GNB5: variants seen among roughly 807,000 people sequenced by gnomAD.
GNB5 encodes the protein G protein subunit beta 5.
Under a neutral mutation model 55.3 loss-of-function variants are expected in GNB5, and 37 were observed. The observed-to-expected ratio is 0.67, with a 90% CI of 0.51 to 0.88. The LOEUF is 0.88. GNB5 is among the 40% of genes least tolerant of loss of function. The pLI is 0.00. For missense variants in GNB5, 476 were observed against 515.3 expected (o/e 0.92, Z 0.74); for synonymous variants, 219 against 198.5 (o/e 1.10, Z -0.87).
At chr15:52,166,096 G>A (rs1486217762) in intron 3 of GNB5, among the ~76,000 whole-genome samples, 3 of 152,122 alleles carry the variant, frequency 2.0e-5, no homozygotes, top group African/African-American at 4.8e-5. Flanking sequence ...AGACAGAGAA[G>A]GGCATTACAT....
chr15:52,158,492 C>T (rs1269938006), intron 3 of GNB5, among the ~76,000 whole-genome samples: 1 of 152,126 alleles, frequency 6.6e-6, no homozygotes, highest in Non-Finnish European at 1.5e-5. Context: ...TGCCTCTTTG[C>T]CTTCTTTTTC....
chr15:52,149,274 C>G (rs556471217), intron 5 of GNB5: 4 of 153,452 alleles, frequency 2.6e-5, no homozygotes, highest in African/African-American at 9.6e-5. Context: ...TATAGGAATT[C>G]TTATTTAATA....
chr15:52,182,217 C>T (rs1195941151), intron 2 of GNB5, among the ~76,000 whole-genome samples: 9 of 152,200 alleles, frequency 5.9e-5, no homozygotes, highest in African/African-American at 1.7e-4. Context: ...CTGCCTGATA[C>T]GCTTGAGCAG....
chr15:52,117,102 A>ATATATTTTTTTTTTTTT lies in GNB5; in HGVS notation c.*5654_*5655insAAAAAAAAAAAAATATA. ...CCACGCCCAGCTAATATATATATAT[A>ATATATTTTTTTTTTTTT]TTTTTTTTTAGTACAGACAGGGTTT... On this transcript the variant is annotated 3_prime_UTR_variant, in exon 13 of 13. Transcript: ENST00000261837. The ATATATTTTTTTTTTTTT allele has an allele frequency of 9.1e-4, 79 of 87,090 alleles. 7 individuals are homozygous for ATATATTTTTTTTTTTTT. The highest frequency in any genetic ancestry group is 4.4e-3 in the African/African-American group (73 of 16,436). The allele number at this position is 87,090 out of a possible 1,614,324, so 5.4% of individuals were successfully genotyped here.
At chr15:52,145,277 A>C (rs2033946669) in intron 6 of GNB5, among the ~76,000 whole-genome samples, 1 of 152,034 alleles carries the variant, frequency 6.6e-6, no homozygotes, top group Admixed American at 6.6e-5. Context: ...GATGGTAATA[A>C]ATTTTATATA....
At chr15:52,164,216 G>A (rs1007008564) in intron 3 of GNB5, among the ~76,000 whole-genome samples, 10 of 151,328 alleles carry the variant, frequency 6.6e-5, no homozygotes, top group Admixed American at 5.9e-4. Context: ...GCTGAGGCAG[G>A]AGAATCGCTT....
chr15:52,174,201 A>G (rs1406612954), intron 3 of GNB5, among the ~76,000 whole-genome samples: 1 of 152,164 alleles, frequency 6.6e-6, no homozygotes, highest in Non-Finnish European at 1.5e-5. Context: ...TTCTCCCCTA[A>G]AGCTTCCAGA....
chr15:52,142,241 A>T (rs957465400), intron 6 of GNB5, among the ~76,000 whole-genome samples: 2 of 152,200 alleles, frequency 1.3e-5, no homozygotes, highest in African/African-American at 2.4e-5. Context: ...ATTTGTTTGT[A>T]ATCAGTAATA....
chr15:52,136,392 C>T (rs1000901561), intron 7 of GNB5, among the ~76,000 whole-genome samples: 2 of 152,138 alleles, frequency 1.3e-5, no homozygotes, highest in African/African-American at 2.4e-5. Context: ...TTAAAACCTT[C>T]GATGCCTCCC....
chr15:52,175,098 C>A (rs1032299051), intron 3 of GNB5, among the ~76,000 whole-genome samples: 13 of 152,042 alleles, frequency 8.6e-5, no homozygotes, highest in Non-Finnish European at 2.9e-5. Context: ...AACAAACACA[C>A]ATACCTAGGG....
intron 3 of GNB5, among the ~76,000 whole-genome samples, chr15:52,163,270 C>T (rs2034374770): frequency 1.3e-5 from 2 of 152,336 alleles, no homozygotes; most frequent in South Asian, 4.1e-4. Flanking sequence ...CGTGGCCACA[C>T]ACGGAGACCC....
At chr15:52,171,961 C>G (rs2034561954) in intron 3 of GNB5, among the ~76,000 whole-genome samples, 1 of 152,172 alleles carries the variant, frequency 6.6e-6, no homozygotes. Flanking sequence ...CCTCAAGGAC[C>G]TGGGAATTGG....
intron 3 of GNB5, among the ~76,000 whole-genome samples, chr15:52,169,411 A>AGGTG (rs1566947247): frequency 0.01 from 1,541 of 150,782 alleles, 30 homozygotes; most frequent in African/African-American, 0.036. Flanking sequence ...GGTGGTGGGC[A>AGGTG]CCTGTAATCC....
At chr15:52,147,414 T>C in intron 6 of GNB5, 45 bp downstream of exon 6, 3 of 1,058,314 alleles carry the variant, frequency 2.8e-6, no homozygotes, top group Non-Finnish European at 4.5e-6. Context: ...AACAGTATTC[T>C]ATGGTTAACA....
chr15:52,143,176 A>C lies in GNB5; in HGVS notation c.495-1904T>G, dbSNP rs149448848. On this transcript the variant is annotated intron_variant, in intron 6 of 12. Transcript: ENST00000261837. ...TGACTAAAAAAAAGAGAAAAAAAAA[A>C]AACAGAATGTGTAGAGAATGATTTG... 9.0e-3 allele frequency among the ~76,000 whole-genome samples: 1,371 copies of C among 152,066 alleles called. 10 individuals are homozygous for C. The highest frequency in any genetic ancestry group is 0.015 in the Non-Finnish European group (986 of 67,962).
chr15:52,188,364 G>A (rs1249874501), intron 1 of GNB5, among the ~76,000 whole-genome samples: 1 of 152,072 alleles, frequency 6.6e-6, no homozygotes, highest in African/African-American at 2.4e-5. Flanking sequence ...GGGAAAAAAA[G>A]ATATAAGGAA....
intron 7 of GNB5, 96 bp from the exon 8 acceptor site, chr15:52,135,852 AACACACACACACAC>A (rs57732678): frequency 9.4e-5 from 52 of 552,498 alleles, no homozygotes; most frequent in East Asian, 1.7e-4. Context: ...GGAAAAGCAG[AACACACACACACAC>A]ACACACACAC....
chr15:52,160,284 T>G (rs1184071472), intron 3 of GNB5, among the ~76,000 whole-genome samples: 1 of 152,300 alleles, frequency 6.6e-6, no homozygotes, highest in East Asian at 1.9e-4. Flanking sequence ...TTAGTCGCTG[T>G]TTTTTAGGAA....
chr15:52,148,203 C>T (rs2034017027), intron 5 of GNB5, among the ~76,000 whole-genome samples: 1 of 152,104 alleles, frequency 6.6e-6, no homozygotes. Context: ...ACTCTGATTT[C>T]CATTTTCAAA....
Sources: allele counts gnomAD v4.1 joint callset (sites outside exome capture counted in the v4.1 genomes callset), GRCh38; gene constraint gnomAD v4.1.1; transcripts MANE v1.5; gene names NCBI Gene and HGNC (gene_info 2026-07-23, HGNC 2026-07-21).